RAPGEF5: variants seen among roughly 807,000 people sequenced by gnomAD.
RAPGEF5 encodes M-Ras-regulated GEF.
In RAPGEF5, 65 loss-of-function variants were observed where a neutral mutation model predicts 125.2. The ratio of observed to expected loss-of-function variants is 0.52; its 90% CI spans 0.43 to 0.64. The LOEUF (loss-of-function observed/expected upper bound fraction) is 0.64. Among genes scored for constraint, RAPGEF5 ranks in the 30% least tolerant of loss-of-function variants. The probability of loss-of-function intolerance (pLI) is 0.00; values close to 1 mark genes in which losing one functional copy is unlikely to be tolerated. For synonymous variants in RAPGEF5, 391 were observed against 385.9 expected (o/e 1.01, Z -0.16); for missense variants, 958 against 1,048.1 (o/e 0.91, Z 1.19).
At chr7:22,341,575 AAAGC>A (rs1468763135) in intron 1 of RAPGEF5, among the ~76,000 whole-genome samples, 1 of 152,246 alleles carries the variant, frequency 6.6e-6, no homozygotes, top group Admixed American at 6.5e-5. Context: ...TGTAAAATCA[AAAGC>A]AAGTTAGTTA....
intron 1 of RAPGEF5, among the ~76,000 whole-genome samples, chr7:22,348,250 G>C (rs959668475): frequency 6.6e-6 from 1 of 152,148 alleles, no homozygotes; most frequent in African/African-American, 2.4e-5. Context: ...AAACAATTAA[G>C]AGTAATTCCA....
At chr7:22,228,651 G>A (rs1236741257) in intron 8 of RAPGEF5, among the ~76,000 whole-genome samples, 1 of 150,872 alleles carries the variant, frequency 6.6e-6, no homozygotes, top group Non-Finnish European at 1.5e-5. Flanking sequence ...GGGATTACAG[G>A]CACCTGCTAC....
At chr7:22,336,377 A>G (rs1444796444) in intron 1 of RAPGEF5, among the ~76,000 whole-genome samples, 1 of 152,258 alleles carries the variant, frequency 6.6e-6, no homozygotes, top group East Asian at 1.9e-4. Flanking sequence ...ATTTCATAAA[A>G]TTAAATTTAC....
At chr7:22,189,145 T>A (rs1449060006) in intron 11 of RAPGEF5, among the ~76,000 whole-genome samples, 2 of 151,066 alleles carry the variant, frequency 1.3e-5, no homozygotes, top group Non-Finnish European at 3.0e-5. Context: ...CCTACTATTC[T>A]ATTCTCTGTT....
At chr7:22,152,235 A>C (rs80219841) in intron 17 of RAPGEF5, among the ~76,000 whole-genome samples, 3,097 of 152,256 alleles carry the variant, frequency 0.02, 118 homozygotes, top group African/African-American at 0.072. Context: ...ACAGTACTAT[A>C]ATGTTGGGCT....
intron 20 of RAPGEF5, among the ~76,000 whole-genome samples, chr7:22,143,971 CAT>C (rs1308194293): frequency 6.6e-6 from 1 of 152,200 alleles, no homozygotes; most frequent in Non-Finnish European, 1.5e-5. Flanking sequence ...GCTGCACTGA[CAT>C]GTACTTGAAA....
intron 11 of RAPGEF5, among the ~76,000 whole-genome samples, chr7:22,172,401 G>A (rs546256410): frequency 2.0e-5 from 3 of 152,204 alleles, no homozygotes; most frequent in South Asian, 4.2e-4. Flanking sequence ...TGGGATTGCA[G>A]GTATAAGCCA....
At position 22,150,498 on chromosome 7, in the gene RAPGEF5, T is replaced by C. The variant is rs1388133868; in HGVS notation, c.1793A>G (p.His598Arg). The change falls in exon 18 of 26, where the codon CAT becomes CGT. Residue 598 changes from histidine to arginine, a missense_variant. His to Arg is a conservative substitution (Grantham distance 29). Transcript: ENST00000665637. ...LVAITFSGEK[H>R]ELQPNDLVIS... ...GACTAAGTCATTTGGCTGAAGTTCA[T>C]GCTTTTCTTTATTTGAAAAAAAAAA... 2 of 1,563,056 alleles carry C rather than the reference T, an allele frequency of 1.3e-6. No homozygotes were observed. Among genetic ancestry groups the C allele is most frequent in the East Asian group, 2.3e-5 (1 of 44,020 alleles).
chr7:22,207,038 A>G (rs1396493915), intron 9 of RAPGEF5, among the ~76,000 whole-genome samples: 2 of 152,206 alleles, frequency 1.3e-5, no homozygotes, highest in Non-Finnish European at 1.5e-5. Flanking sequence ...CAAATATTCA[A>G]CTACACTAGA....
chr7:22,131,408 A>T (rs1782911393), intron 23 of RAPGEF5, among the ~76,000 whole-genome samples: 1 of 152,224 alleles, frequency 6.6e-6, no homozygotes, highest in Admixed American at 6.5e-5. Context: ...CTATAACTTA[A>T]TTATTCCATT....
At chr7:22,202,380 C>T (rs764258936) in intron 9 of RAPGEF5, among the ~76,000 whole-genome samples, 3 of 152,300 alleles carry the variant, frequency 2.0e-5, no homozygotes, top group East Asian at 3.9e-4. Context: ...GCCTTATCTA[C>T]AGCCAAATCC....
At chr7:22,193,724 T>A in intron 10 of RAPGEF5, 191 bp downstream of exon 10, 1 of 1,555,090 alleles carries the variant, frequency 6.4e-7, no homozygotes, top group Non-Finnish European at 8.7e-7. Context: ...CCCTGTCCTT[T>A]CACTGGGAAC....
chr7:22,312,301 C>T lies in RAPGEF5; in HGVS notation c.390-2211G>A, dbSNP rs559247776. ...TCGGCTCACTGCAAACTCTGCCTCC[C>T]GGGTTCAAGCGATTCTCCTGCCTCA... On this transcript the variant is annotated intron_variant, in intron 3 of 25. Coordinates refer to ENST00000665637, the MANE Select transcript of RAPGEF5 (RefSeq NM_012294.5). Among the ~76,000 whole-genome samples the T allele has an allele frequency of 2.0e-5, 3 of 152,052 alleles. No individual in the cohort carries two copies. In the East Asian group the frequency reaches 5.8e-4, roughly 29 times the overall value.
At chr7:22,213,656 A>G (rs556906491) in intron 9 of RAPGEF5, among the ~76,000 whole-genome samples, 51 of 152,346 alleles carry the variant, frequency 3.3e-4, no homozygotes, top group African/African-American at 1.2e-3. Flanking sequence ...GGATTTTGTT[A>G]TTAAGAAAAA....
At chr7:22,302,458 C>T (rs1454695734) in intron 5 of RAPGEF5, among the ~76,000 whole-genome samples, 4 of 152,178 alleles carry the variant, frequency 2.6e-5, no homozygotes, top group Non-Finnish European at 5.9e-5. Context: ...CAGCCTCATG[C>T]TCCAACAGCA....
intron 3 of RAPGEF5, among the ~76,000 whole-genome samples, 193 bp from the exon 4 acceptor site, chr7:22,310,283 G>A (rs923574468): frequency 6.6e-6 from 1 of 152,116 alleles, no homozygotes; most frequent in Non-Finnish European, 1.5e-5. Context: ...GGAAACAAGA[G>A]TCAAATTGTC....
chr7:22,167,991 C>T (rs377576081), intron 11 of RAPGEF5, among the ~76,000 whole-genome samples: 1 of 152,184 alleles, frequency 6.6e-6, no homozygotes, highest in African/African-American at 2.4e-5. Flanking sequence ...GTCTCCTTAA[C>T]TTAAAATTCA....
chr7:22,150,397 A>T lies in RAPGEF5; in HGVS notation c.1884+10T>A. On this transcript the variant is annotated intron_variant, in intron 18 of 25. Coordinates refer to ENST00000665637, the MANE Select transcript of RAPGEF5 (RefSeq NM_012294.5). ...CTGTTTGTTTCAAATACAAGGCTGAAGGTCCTTACCAAAGTGTCCGCCAGG... is the reference window on the plus strand; with the variant it reads ...CTGTTTGTTTCAAATACAAGGCTGATGGTCCTTACCAAAGTGTCCGCCAGG... The T allele has an allele frequency of 6.2e-7, 1 of 1,604,656 alleles. No individual in the cohort carries two copies. Among genetic ancestry groups the T allele is most frequent in the Non-Finnish European group, 8.5e-7 (1 of 1,176,446 alleles).
In RAPGEF5 at chr7:22,120,601, T is replaced by G. The variant is rs2128095151; in HGVS notation, c.*1805A>C. On this transcript the variant is annotated 3_prime_UTR_variant, in exon 26 of 26. Transcript: ENST00000665637. The surrounding 1 kb of genome is among the most constrained non-coding windows in gnomAD (Gnocchi z 4.0). ...TTGGAGGGTTTGCTCAGCCCAGCCG[T>G]GAGGGAAGTCTGCTCTCCGGTTCTC... 1 of 152,724 alleles carries G rather than the reference T, an allele frequency of 6.5e-6. No homozygotes were observed. Among genetic ancestry groups the G allele is most frequent in the Middle Eastern group, 3.4e-3 (1 of 294 alleles). 9.5% of individuals were successfully genotyped at this position (152,724 alleles called of 1,614,324 possible).
Sources: gnomAD v4.1 joint callset for allele counts (sites outside exome capture counted in the v4.1 genomes callset) on GRCh38, gnomAD v4.1.1 for gene constraint, Gnocchi (gnomAD v3.1) non-coding constraint, MANE v1.5 for transcripts, NCBI Gene and HGNC (gene_info 2026-07-23, HGNC 2026-07-21) for gene names.